The following FCRL5 variants were observed in gnomAD, a reference collection of about 807,000 sequenced individuals.
FCRL5 encodes Fc receptor-like protein 5.
A neutral mutation model predicts 92.1 loss-of-function variants in FCRL5; 79 were observed. The observed-to-expected ratio is 0.86, with a 90% CI of 0.72 to 1.03. FCRL5 has a LOEUF of 1.03. Ranked by LOEUF, FCRL5 falls within the 50% of genes least tolerant of loss-of-function variation. The pLI is 0.00. For missense variants in FCRL5, 1,160 were observed against 1,181.1 expected (o/e 0.98, Z 0.26); for synonymous variants, 466 against 469.3 (o/e 0.99, Z 0.09).
At chr1:157,527,218 A>G (rs1233231237) in intron 9 of FCRL5, among the ~76,000 whole-genome samples, 1 of 152,224 alleles carries the variant, frequency 6.6e-6, no homozygotes, top group East Asian at 1.9e-4. Flanking sequence ...GTGAGCCAAT[A>G]AGAGAATTGT....
Position 157,542,975 on chromosome 1 carries a change from T to C in FCRL5, c.1007A>G (p.Glu336Gly). The change falls in exon 6 of 17, where the codon GAA becomes GGA. Residue 336 changes from glutamate (E) to glycine (G), a missense_variant. Glu to Gly is a moderately conservative substitution (Grantham distance 98). Transcript: ENST00000361835. ...VPLRHKSVRC[E>G]RGASISFSLT... Reference sequence around the variant, plus strand: ...TGAGAAGCTGATGGATGCTCCCCTTTCACAGCGGACTGACTTGTGCCTCAG... The same window carrying C: ...TGAGAAGCTGATGGATGCTCCCCTTCCACAGCGGACTGACTTGTGCCTCAG... 6.2e-7 allele frequency: 1 copy of C among 1,614,210 alleles called. No homozygotes were observed. The highest frequency in any genetic ancestry group is 8.5e-7 in the Non-Finnish European group (1 of 1,180,034).
At chr1:157,522,584 A>C (rs556814223) in intron 10 of FCRL5, 4 of 152,368 alleles carry the variant, frequency 2.6e-5, no homozygotes, top group Admixed American at 6.5e-5. Flanking sequence ...AACCTGGTGA[A>C]GGCTCAGTGA....
chr1:157,524,470 AG>A lies in FCRL5; in HGVS notation c.2047del (p.Leu683Ter), dbSNP rs1422337855. 1.4e-5 allele frequency: 22 copies of A among 1,614,198 alleles called. No homozygotes were observed. Among genetic ancestry groups the A allele is most frequent in the Non-Finnish European group, 1.9e-5 (22 of 1,180,018 alleles). Reference sequence around the variant, plus strand: ...GTACAGGATTGGGGAGGAGCCTCTCAGGGCCTCACAGTGAAGCTCCAGCAGG... The same window carrying A: ...GTACAGGATTGGGGAGGAGCCTCTCAGGCCTCACAGTGAAGCTCCAGCAGG... ...GDLLELHCEA[L>X]RGSSPILYWF... On this transcript the variant is annotated frameshift_variant, in exon 10 of 17. Transcript: ENST00000361835. LOFTEE classifies it high-confidence loss of function.
intron 10 of FCRL5, among the ~76,000 whole-genome samples, chr1:157,523,290 C>T (rs1650280316): frequency 6.6e-6 from 1 of 152,180 alleles, no homozygotes; most frequent in African/African-American, 2.4e-5. Flanking sequence ...CAGGTACAAC[C>T]TGCTTTTACT....
In FCRL5 at chr1:157,524,518, C is replaced by T. The variant is rs555818434; in HGVS notation, c.2000G>A (p.Arg667Lys). The change falls in exon 10 of 17, where the codon AGG becomes AAG. Residue 667 changes from arginine to lysine, a missense_variant. Arg to Lys is a conservative substitution (Grantham distance 26, BLOSUM62 2). Transcript: ENST00000361835. ...SRPILTFRAP[R>K]AQAVVGDLLE... ...CAGGTCCCCCACCACAGCCTGGGCCCTGGGAGCCCTGAAGGTGAGGATGGG... is the reference window on the plus strand; with the variant it reads ...CAGGTCCCCCACCACAGCCTGGGCCTTGGGAGCCCTGAAGGTGAGGATGGG... 1 of 1,613,122 alleles carries T rather than the reference C, an allele frequency of 6.2e-7. No individual in the cohort carries two copies. The highest frequency in any genetic ancestry group is 1.3e-5 in the African/African-American group (1 of 75,032).
chr1:157,535,225 TCCTGCAACCATGCAGGCTTC>T (rs986163608), intron 7 of FCRL5, among the ~76,000 whole-genome samples: 3 of 152,344 alleles, frequency 2.0e-5, no homozygotes, highest in Non-Finnish European at 4.4e-5. Context: ...CCTCACTTCT[TCCTGCAACCATGCAGGCTTC>T]CCTGCAACCA....
At chr1:157,543,419 T>C (rs992716434) in intron 5 of FCRL5, among the ~76,000 whole-genome samples, 1 of 152,254 alleles carries the variant, frequency 6.6e-6, no homozygotes, top group Non-Finnish European at 1.5e-5. Flanking sequence ...TGCTAGTTTT[T>C]CCTTAAAGAT....
At chr1:157,517,607 G>A (rs1410558034) in intron 15 of FCRL5, among the ~76,000 whole-genome samples, 1 of 152,168 alleles carries the variant, frequency 6.6e-6, no homozygotes, top group East Asian at 1.9e-4. Flanking sequence ...GTGCAGGAAA[G>A]TGGATGGGCC....
chr1:157,545,964 T>A (rs1651515702), intron 3 of FCRL5, among the ~76,000 whole-genome samples: 2 of 152,220 alleles, frequency 1.3e-5, no homozygotes, highest in Non-Finnish European at 2.9e-5. Context: ...TCCTTGCTAG[T>A]ACACTGCTTC....
In FCRL5 at chr1:157,547,194, C is replaced by A. The variant is rs1461523929; in HGVS notation, c.56G>T (p.Arg19Met). 1.2e-6 allele frequency: 2 copies of A among 1,613,544 alleles called. No homozygotes were observed. Among genetic ancestry groups the A allele is most frequent in the Middle Eastern group, 1.7e-4 (1 of 5,768 alleles). Residue 19 changes from arginine to methionine, a missense_variant, in exon 3 of 17, where the codon AGG becomes ATG. Arg to Met is a moderately conservative substitution (Grantham distance 91, BLOSUM62 -1). Transcript: ENST00000361835. ...VLAPVSGQFA[R>M]TPRPIIFLQP... ...GAGGAAAATAATGGGCCTGGGTGTC[C>A]TTGCTGAAGAGGAAAGAGAAAAGGA... is the stretch of plus-strand genomic sequence containing the variant.
chr1:157,532,251 T>G (rs1371648270), intron 8 of FCRL5: 9 of 152,136 alleles, frequency 5.9e-5, no homozygotes, highest in Non-Finnish European at 1.3e-4. Context: ...TCCTAACATC[T>G]ATGCTTGCGC....
intron 1 of FCRL5, among the ~76,000 whole-genome samples, chr1:157,550,854 G>T (rs982297185): frequency 1.3e-5 from 2 of 152,142 alleles, no homozygotes; most frequent in Non-Finnish European, 2.9e-5. Context: ...TTCTGCATAT[G>T]GGTTGATTTA....
chr1:157,550,899 T>G (rs938216344), intron 1 of FCRL5, among the ~76,000 whole-genome samples: 2 of 152,210 alleles, frequency 1.3e-5, no homozygotes, highest in Admixed American at 1.3e-4. Flanking sequence ...CCAATCATAC[T>G]CCAGAGCAAG....
chr1:157,515,812 G>C (rs371889918), intron 16 of FCRL5, 30 bp downstream of exon 16: 1 of 1,613,898 alleles, frequency 6.2e-7, no homozygotes, highest in Non-Finnish European at 8.5e-7. Context: ...GCCTGGGGGT[G>C]GGGGAGGGCA....
intron 7 of FCRL5, among the ~76,000 whole-genome samples, chr1:157,535,233 C>A (rs1482697753): frequency 6.6e-6 from 1 of 152,218 alleles, no homozygotes; most frequent in Non-Finnish European, 1.5e-5. Flanking sequence ...CTTCCTGCAA[C>A]CATGCAGGCT....
chr1:157,536,483 C>T (rs1276157232), intron 7 of FCRL5, among the ~76,000 whole-genome samples: 2 of 152,248 alleles, frequency 1.3e-5, no homozygotes, highest in Admixed American at 1.3e-4. Flanking sequence ...CTGGCTGCTC[C>T]TCAAACAGGT....
rs57856009 is a variant in FCRL5, at chr1:157,524,902, G to A, written c.1961-345C>T. ...GAGACTTGCTGCTTACATCACCAGG[G>A]ATGTAATTGCATCTGGGCTGCATCA... is the stretch of plus-strand genomic sequence containing the variant. On this transcript the variant is annotated intron_variant, in intron 9 of 16. Transcript: ENST00000361835. Among the ~76,000 whole-genome samples, 245 of 152,270 alleles carry A rather than the reference G, an allele frequency of 1.6e-3. 2 individuals are homozygous for A. Among genetic ancestry groups the A allele is most frequent in the African/African-American group, 5.7e-3 (235 of 41,558 alleles).
chr1:157,546,512 C>T (rs1651547909), intron 3 of FCRL5, among the ~76,000 whole-genome samples: 1 of 93,458 alleles, frequency 1.1e-5, no homozygotes, highest in Admixed American at 1.2e-4. Context: ...AAAAGCTATA[C>T]ATAGATTCAG....
At chr1:157,532,298 C>T (rs1263769461) in intron 8 of FCRL5, 1 of 152,004 alleles carries the variant, frequency 6.6e-6, no homozygotes, top group Non-Finnish European at 1.5e-5. Flanking sequence ...CTATGTGACT[C>T]TACAGGCTAC....
Sources: allele counts gnomAD v4.1 joint callset (sites outside exome capture counted in the v4.1 genomes callset), GRCh38; gene constraint gnomAD v4.1.1; transcripts MANE v1.5; gene names NCBI Gene and HGNC (gene_info 2026-07-23, HGNC 2026-07-21).